Variants in RIOX2 observed in about 807,000 individuals in gnomAD.
The protein encoded by RIOX2 is ribosomal oxygenase 2, also known as 60S ribosomal protein L27a histidine hydroxylase.
A neutral mutation model predicts 51.2 loss-of-function variants in RIOX2; 43 were observed. The observed-to-expected ratio is 0.84, with a 90% CI of 0.66 to 1.08. RIOX2 has a LOEUF of 1.08. RIOX2 is among the 50% of genes least tolerant of loss of function. The pLI, the probability that RIOX2 is intolerant of heterozygous loss-of-function variation, is 0.00. For missense variants in RIOX2, 566 were observed against 561.7 expected (o/e 1.01, Z -0.08); for synonymous variants, 226 against 218.5 (o/e 1.03, Z -0.30).
At position 97,970,804 on chromosome 3, in the gene RIOX2, C is replaced by T. The variant is rs1004680842; in HGVS notation, c.-40+1577G>A. Reference sequence around the variant, plus strand: ...CCACAGATAAACCCTATAAGAAAATCAATGTTGACAACCATACTATAGGCA... The same window carrying T: ...CCACAGATAAACCCTATAAGAAAATTAATGTTGACAACCATACTATAGGCA... On this transcript the variant is annotated intron_variant, in intron 1 of 9. Transcript: ENST00000394198. 4.6e-5 allele frequency among the ~76,000 whole-genome samples: 7 copies of T among 152,286 alleles called. No individual in the cohort carries two copies. In the East Asian group the frequency reaches 1.2e-3, roughly 25 times the overall value.
Position 97,967,530 on chromosome 3 carries a change from T to C in RIOX2, c.64A>G (p.Met22Val), listed in dbSNP as rs1359941486. ...GGCCCCCCAGCTGCTTCTAACTTCATCTGCTTACAGGGAGCCGGCCCCTCT... is the reference window on the plus strand; with the variant it reads ...GGCCCCCCAGCTGCTTCTAACTTCACCTGCTTACAGGGAGCCGGCCCCTCT... ...KEEGPAPCKQ[M>V]KLEAAGGPSA... is the part of the protein sequence containing the mutation. Residue 22 changes from methionine (M) to valine (V), a missense_variant, in exon 2 of 10, where the codon ATG becomes GTG. Transcript: ENST00000394198. The C allele has an allele frequency of 1.2e-6, 2 of 1,611,992 alleles. No homozygotes were observed. The highest frequency in any genetic ancestry group is 1.7e-6 in the Non-Finnish European group (2 of 1,178,138).
intron 1 of RIOX2, among the ~76,000 whole-genome samples, chr3:97,970,132 A>C (rs1706065253): frequency 6.6e-6 from 1 of 152,220 alleles, no homozygotes. Flanking sequence ...TGAATACAGT[A>C]TAAGCACATT....
chr3:97,950,742 G>A (rs1473836148), intron 6 of RIOX2, 44 bp downstream of exon 6: 2 of 1,495,742 alleles, frequency 1.3e-6, no homozygotes, highest in African/African-American at 1.4e-5. Flanking sequence ...GCTGGCCTGG[G>A]CTGCAGCTAC....
rs2040292030 is a variant in RIOX2, at chr3:97,943,950, C to T, written c.*1234G>A. The stretch of plus-strand genomic sequence containing the variant: ...GAAGTATTTTCTGTAGCTATTGTTT[C>T]CTCAGTCCTTCAAACTAAAAAAGTA... On this transcript the variant is annotated 3_prime_UTR_variant, in exon 10 of 10. Transcript: ENST00000394198. 1 of 151,916 alleles carries T rather than the reference C, an allele frequency of 6.6e-6. No homozygotes were observed. The highest frequency in any genetic ancestry group is 2.4e-5 in the African/African-American group (1 of 41,370). The allele number at this position is 151,916 out of a possible 1,614,324, so 9.4% of individuals were successfully genotyped here.
intron 5 of RIOX2, 51 bp downstream of exon 5, chr3:97,954,341 G>A (rs753937273): frequency 1.8e-5 from 24 of 1,362,372 alleles, no homozygotes; most frequent in African/African-American, 4.3e-5. Flanking sequence ...GGCTGCTGCA[G>A]GCCAGGACTC....
At chr3:97,970,152 G>A (rs1001773329) in intron 1 of RIOX2, among the ~76,000 whole-genome samples, 1 of 152,154 alleles carries the variant, frequency 6.6e-6, no homozygotes, top group Non-Finnish European at 1.5e-5. Flanking sequence ...TCACCAGAAA[G>A]TGTGGCTAAT....
intron 4 of RIOX2, among the ~76,000 whole-genome samples, chr3:97,958,745 A>C (rs930867760): frequency 3.9e-5 from 6 of 152,180 alleles, no homozygotes; most frequent in African/African-American, 1.4e-4. Context: ...TTTCCTCTAG[A>C]GGAGTCAGTG....
intron 4 of RIOX2, among the ~76,000 whole-genome samples, chr3:97,958,396 C>T (rs1230074780): frequency 6.6e-6 from 1 of 152,218 alleles, no homozygotes; most frequent in Non-Finnish European, 1.5e-5. Context: ...ACAACCTCTT[C>T]TGCTGGGGAT....
At chr3:97,966,549 A>T (rs1288982236) in intron 2 of RIOX2, among the ~76,000 whole-genome samples, 2 of 152,246 alleles carry the variant, frequency 1.3e-5, no homozygotes, top group Non-Finnish European at 2.9e-5. Context: ...AAAAAAATTT[A>T]AAAATTTGCC....
At chr3:97,962,157 A>C (rs1705703802) in intron 2 of RIOX2, among the ~76,000 whole-genome samples, 1 of 152,010 alleles carries the variant, frequency 6.6e-6, no homozygotes. Context: ...AGTGGGATGC[A>C]CTCTAGAAGC....
At chr3:97,945,623 A>G (rs1342918456) in intron 9 of RIOX2, 175 bp downstream of exon 9, 8 of 624,478 alleles carry the variant, frequency 1.3e-5, no homozygotes, top group Non-Finnish European at 2.0e-5. Flanking sequence ...GTGTGCATGT[A>G]TCACAGAAAT....
At chr3:97,956,747 G>A (rs1183239538) in intron 4 of RIOX2, among the ~76,000 whole-genome samples, 14 of 151,942 alleles carry the variant, frequency 9.2e-5, no homozygotes, top group East Asian at 1.9e-4. Context: ...CACCTGCCTC[G>A]GCCTCCCAAA....
intron 2 of RIOX2, among the ~76,000 whole-genome samples, chr3:97,966,746 G>A (rs1173635612): frequency 6.6e-6 from 1 of 152,178 alleles, no homozygotes; most frequent in Non-Finnish European, 1.5e-5. Context: ...GTAAAGGGAA[G>A]CAACTTCGGG....
intron 3 of RIOX2, 67 bp from the exon 4 acceptor site, chr3:97,959,246 G>T: frequency 6.5e-7 from 1 of 1,534,534 alleles, no homozygotes; most frequent in Non-Finnish European, 8.8e-7. Context: ...AGTGCTTCCG[G>T]ACTATTAGCC....
chr3:97,956,319 C>T (rs1325029562), intron 4 of RIOX2, among the ~76,000 whole-genome samples: 1 of 152,174 alleles, frequency 6.6e-6, no homozygotes, highest in Non-Finnish European at 1.5e-5. Flanking sequence ...AGTAAACATT[C>T]TCCCCTACAG....
At chr3:97,961,392 G>A (rs117292998) in intron 3 of RIOX2, among the ~76,000 whole-genome samples, 197 bp downstream of exon 3, 1 of 152,226 alleles carries the variant, frequency 6.6e-6, no homozygotes, top group Non-Finnish European at 1.5e-5. Context: ...CTTTGAGACA[G>A]AGCAGGAAAC....
At chr3:97,947,478 C>A (rs1470945205) in intron 7 of RIOX2, 29 bp from the exon 8 acceptor site, 27 of 1,585,450 alleles carry the variant, frequency 1.7e-5, no homozygotes, top group Non-Finnish European at 2.3e-5. Context: ...AGAAAGCCGA[C>A]CTTCAAAAAA....
chr3:97,962,981 T>G (rs1271143671), intron 2 of RIOX2, among the ~76,000 whole-genome samples: 1 of 152,204 alleles, frequency 6.6e-6, no homozygotes, highest in Non-Finnish European at 1.5e-5. Context: ...GCACACAGAC[T>G]GCATGACAAC....
At chr3:97,950,748 G>T in intron 6 of RIOX2, 38 bp downstream of exon 6, 1 of 1,543,144 alleles carries the variant, frequency 6.5e-7, no homozygotes, top group Non-Finnish European at 9.0e-7. Context: ...CTGGGCTGCA[G>T]CTACCATCCT....
Sources: allele counts gnomAD v4.1 joint callset (sites outside exome capture counted in the v4.1 genomes callset), GRCh38; gene constraint gnomAD v4.1.1; transcripts MANE v1.5; gene names NCBI Gene and HGNC (gene_info 2026-07-23, HGNC 2026-07-21).